Variants in GGA2 observed in about 807,000 individuals in gnomAD.
The protein encoded by GGA2 is ADP-ribosylation factor-binding protein GGA2.
In GGA2, 48 loss-of-function variants were observed where a neutral mutation model predicts 79.5. That is an observed-to-expected ratio of 0.60 (90% CI 0.48 to 0.77). GGA2 has a LOEUF of 0.77. Among genes scored for constraint, GGA2 ranks in the 30% least tolerant of loss-of-function variants. GGA2 has a pLI of 0.00. For missense variants in GGA2, 770 were observed against 774.0 expected, an observed-to-expected ratio of 0.99 and a Z score of 0.06; for synonymous variants, 317 against 302.0, an observed-to-expected ratio of 1.05 and a Z score of -0.51.
chr16:23,510,173 A>C, intron 1 of GGA2, 148 bp downstream of exon 1: 2 of 398,294 alleles, frequency 5.0e-6, no homozygotes, highest in Non-Finnish European at 8.7e-6. Context: ...CCCCTGGGCG[A>C]TCTTCCCCAC....
chr16:23,483,910 G>A (rs1482351465), intron 8 of GGA2, among the ~76,000 whole-genome samples: 1 of 150,174 alleles, frequency 6.7e-6, no homozygotes, highest in Non-Finnish European at 1.5e-5. Flanking sequence ...GCCTCCCAAA[G>A]TGCTGGGATT....
chr16:23,491,089 G>A (rs566491539), intron 5 of GGA2, among the ~76,000 whole-genome samples: 200 of 152,038 alleles, frequency 1.3e-3, no homozygotes, highest in African/African-American at 4.6e-3. Flanking sequence ...CAGAGAGAGA[G>A]GAAGAGAGTG....
At chr16:23,481,746 C>G (rs1056940491) in intron 9 of GGA2, among the ~76,000 whole-genome samples, 4 of 152,138 alleles carry the variant, frequency 2.6e-5, no homozygotes, top group Non-Finnish European at 5.9e-5. Context: ...CGCCACTGGA[C>G]TCCAGCCTGA....
upstream of GGA2, chr16:23,510,534 G>A: frequency 5.2e-6 from 2 of 387,680 alleles, no homozygotes; most frequent in Non-Finnish European, 8.8e-6. Flanking sequence ...CGGGGCCGCT[G>A]GCGCCACGCC....
chr16:23,490,421 T>C (rs1964767519), intron 5 of GGA2, among the ~76,000 whole-genome samples: 1 of 152,174 alleles, frequency 6.6e-6, no homozygotes, highest in African/African-American at 2.4e-5. Context: ...AATAAATGTG[T>C]ATAAGTATGT....
chr16:23,495,640 C>G, intron 2 of GGA2, 54 bp downstream of exon 2: 1 of 1,003,458 alleles, frequency 1.0e-6, no homozygotes, highest in South Asian at 1.4e-5. Flanking sequence ...CAAAGGCCTA[C>G]ACTCAGTGTG....
At chr16:23,491,246 A>G (rs1964781546) in intron 5 of GGA2, among the ~76,000 whole-genome samples, 2 of 149,078 alleles carry the variant, frequency 1.3e-5, no homozygotes, top group South Asian at 2.2e-4. Context: ...GGTCGAGGCT[A>G]CAGTGAGCCA....
At chr16:23,513,809 AAAAG>A (rs1265854479), upstream of GGA2, among the ~76,000 whole-genome samples, 148 of 146,918 alleles carry the variant, frequency 1.0e-3, 1 homozygote, top group African/African-American at 1.7e-3. Flanking sequence ...AAGAAAGAAA[AAAAG>A]AAAAGAAAAG....
intron 1 of GGA2, among the ~76,000 whole-genome samples, chr16:23,504,284 G>C (rs1222896146): frequency 6.6e-6 from 1 of 152,214 alleles, no homozygotes; most frequent in African/African-American, 2.4e-5. Flanking sequence ...CACTCTTGCG[G>C]TGAGGTCTTC....
chr16:23,514,558 G>A (rs926290373), upstream of GGA2, among the ~76,000 whole-genome samples: 3 of 151,688 alleles, frequency 2.0e-5, no homozygotes, highest in Non-Finnish European at 2.9e-5. Flanking sequence ...AATGATCTTC[G>A]CAACCTCAGT....
chr16:23,469,379 T>C (rs182760333), intron 15 of GGA2: 4 of 204,884 alleles, frequency 2.0e-5, no homozygotes, highest in African/African-American at 4.4e-5. Context: ...TAGCAGAACA[T>C]TGCCCATAGG....
In GGA2 at chr16:23,495,701, G is replaced by A. The variant is rs1191907378; in HGVS notation, c.169C>T (p.Pro57Ser). The A allele has an allele frequency of 6.3e-7, 1 of 1,588,216 alleles. No homozygotes were observed. Among genetic ancestry groups the A allele is most frequent in the Non-Finnish European group, 8.6e-7 (1 of 1,156,618 alleles). Residue 57 changes from proline to serine, a missense_variant, in exon 2 of 17, where the codon CCC becomes TCC. Coordinates refer to ENST00000309859, the MANE Select transcript of GGA2 (RefSeq NM_015044.4). ...TGTGAGAAGTTACCTTACCCATTGG[G>A]GTCAGTGTTCACCTGCTCACAGAAA... ...QNFCEQVNTD[P>S]NGPTHAPWLL...
chr16:23,488,227 C>T (rs927133007), intron 6 of GGA2, among the ~76,000 whole-genome samples: 1 of 152,128 alleles, frequency 6.6e-6, no homozygotes, highest in Non-Finnish European at 1.5e-5. Flanking sequence ...ACGGGCTATC[C>T]TTCTGCACCT....
intron 10 of GGA2, chr16:23,480,135 T>C (rs1964629471): frequency 8.4e-6 from 4 of 476,608 alleles, no homozygotes; most frequent in Middle Eastern, 6.0e-4. Context: ...CCCATCACTC[T>C]GGAGGAAAGC....
At chr16:23,518,485 C>T (rs2369011) in intron 2 of GGA2, among the ~76,000 whole-genome samples, 127,120 of 152,084 alleles carry the variant, frequency 0.84, 53,266 homozygotes, top group Middle Eastern at 0.9. Flanking sequence ...AGTGCTGGGA[C>T]TACAGGAGTA....
chr16:23,467,550 C>T lies in GGA2; in HGVS notation c.*40G>A. 9.8e-7 allele frequency: 1 copy of T among 1,015,462 alleles called. No individual in the cohort carries two copies. The allele number at this position is 1,015,462 out of a possible 1,614,324, so 62.9% of individuals were successfully genotyped here. ...TCCTGACTAGACAGCAAAAGTAACG[C>T]CAGCCTAAGCTTGAAATGAAGGGTC... is the stretch of plus-strand genomic sequence containing the variant. On this transcript the variant is annotated 3_prime_UTR_variant, in exon 17 of 17. Transcript: ENST00000309859.
In GGA2 at chr16:23,486,084, C is replaced by T. The variant is rs1964708546; in HGVS notation, c.729G>A (p.Lys243=). Reference sequence around the variant, plus strand: ...ACATGCTCAGCATCTCCTGCAGCACCTTCACATGGCTTCGCACTTCCTCCA... The same window carrying T: ...ACATGCTCAGCATCTCCTGCAGCACTTTCACATGGCTTCGCACTTCCTCCA... ...SAVEEVRSHV[K]VLQEMLSMYR... Residue 243 remains lysine, a synonymous_variant, in exon 8 of 17, where the codon AAG becomes AAA. Coordinates refer to ENST00000309859, the MANE Select transcript of GGA2 (RefSeq NM_015044.4). 1 of 1,614,050 alleles carries T rather than the reference C, an allele frequency of 6.2e-7. No homozygotes were observed. The highest frequency in any genetic ancestry group is 1.1e-5 in the South Asian group (1 of 91,084).
At chr16:23,486,980 T>TGTG (rs1964722155) in intron 6 of GGA2, among the ~76,000 whole-genome samples, 190 bp from the exon 7 acceptor site, 1 of 96,512 alleles carries the variant, frequency 1.0e-5, no homozygotes, top group Middle Eastern at 5.1e-3. Context: ...TTTTCTTTTC[T>TGTG]GTTGTTTTTT....
rs187662173 is a variant in GGA2 at position 23,502,887 on chromosome 16, T to G, written c.92-7109A>C. Among the ~76,000 whole-genome samples, 693 of 152,320 alleles carry G rather than the reference T, an allele frequency of 4.5e-3. 9 individuals are homozygous for G. The highest frequency in any genetic ancestry group is 6.8e-3 in the Non-Finnish European group (464 of 68,010). ...GGAAACACTTTCTGAGACTTTCTTT[T>G]TTTCTTACAAGAACACCAGATCCCC... On this transcript the variant is annotated intron_variant, in intron 1 of 16. Coordinates refer to ENST00000309859, the MANE Select transcript of GGA2 (RefSeq NM_015044.4).
Sources: allele counts gnomAD v4.1 joint callset (sites outside exome capture counted in the v4.1 genomes callset), GRCh38; gene constraint gnomAD v4.1.1; transcripts MANE v1.5; gene names NCBI Gene and HGNC (gene_info 2026-07-23, HGNC 2026-07-21).